Variants in NR3C2 observed in about 807,000 individuals in gnomAD.
The protein encoded by NR3C2 is mineralocorticoid receptor.
In NR3C2, 15 loss-of-function variants were observed where a neutral mutation model predicts 86.4. That is an observed-to-expected ratio of 0.17 (90% CI 0.12 to 0.27). The LOEUF is 0.27. NR3C2 is among the 10% of genes least tolerant of loss of function. The probability of loss-of-function intolerance (pLI) is 1.00; values close to 1 mark genes in which losing one functional copy is unlikely to be tolerated. For missense variants in NR3C2, 960 were observed against 1,195.6 expected (o/e 0.80, Z 2.91); for synonymous variants, 458 against 450.5 (o/e 1.02, Z -0.21).
At chr4:148,376,523 G>A (rs10519963) in intron 2 of NR3C2, among the ~76,000 whole-genome samples, 18,314 of 152,152 alleles carry the variant, frequency 0.12, 1,158 homozygotes, top group Middle Eastern at 0.15. Flanking sequence ...GGCCAAATGA[G>A]TCTTTAAAAG....
intron 2 of NR3C2, among the ~76,000 whole-genome samples, chr4:148,261,277 T>C (rs1740090976): frequency 2.0e-5 from 1 of 50,348 alleles, no homozygotes; most frequent in South Asian, 8.8e-4. Context: ...TGGTGCACTA[T>C]GGTAAGCGCT....
chr4:148,198,627 C>T (rs1736552783), intron 3 of NR3C2, among the ~76,000 whole-genome samples: 2 of 137,320 alleles, frequency 1.5e-5, no homozygotes, highest in African/African-American at 6.2e-5. Flanking sequence ...GTAATGCCTA[C>T]TTTCTATATT....
intron 2 of NR3C2, among the ~76,000 whole-genome samples, chr4:148,293,792 G>T (rs756491469): frequency 6.6e-6 from 1 of 152,112 alleles, no homozygotes; most frequent in African/African-American, 2.4e-5. Context: ...AACATGTTTG[G>T]TATCATCATT....
intron 2 of NR3C2, among the ~76,000 whole-genome samples, chr4:148,358,970 A>ACG (rs1028413317): frequency 0.037 from 9 of 240 alleles, no homozygotes; most frequent in Admixed American, 0.27. Context: ...ACACACACGC[A>ACG]CACACACACA....
chr4:148,324,656 TGA>T (rs1743856306), intron 2 of NR3C2, among the ~76,000 whole-genome samples: 1 of 152,188 alleles, frequency 6.6e-6, no homozygotes, highest in South Asian at 2.1e-4. Flanking sequence ...TGAAATTTGC[TGA>T]GAGTAAATCT....
At chr4:148,172,489 C>G (rs1361052726) in intron 4 of NR3C2, among the ~76,000 whole-genome samples, 1 of 152,092 alleles carries the variant, frequency 6.6e-6, no homozygotes, top group African/African-American at 2.4e-5. Flanking sequence ...TGTCCTGGTG[C>G]AGGGATGGAA....
intron 8 of NR3C2, among the ~76,000 whole-genome samples, chr4:148,105,850 A>G (rs1273124195): frequency 6.6e-6 from 1 of 152,238 alleles, no homozygotes; most frequent in African/African-American, 2.4e-5. Flanking sequence ...AAAACTCTCA[A>G]TAAACTAGGT....
At chr4:148,285,466 T>C (rs749004446) in intron 2 of NR3C2, among the ~76,000 whole-genome samples, 13 of 152,288 alleles carry the variant, frequency 8.5e-5, no homozygotes, top group South Asian at 2.1e-4. Context: ...CCCAGCACTT[T>C]GGGAGGCTGA....
chr4:148,444,594 T>C (rs1019115465), upstream of NR3C2: 18 of 988,240 alleles, frequency 1.8e-5, no homozygotes, highest in Non-Finnish European at 1.7e-5. Context: ...CCGCCGCTGC[T>C]GCCGCCGCCA....
intron 6 of NR3C2, among the ~76,000 whole-genome samples, chr4:148,129,039 C>A (rs1732883086): frequency 6.6e-6 from 1 of 152,180 alleles, no homozygotes; most frequent in Admixed American, 6.5e-5. Flanking sequence ...TAATGAATCT[C>A]TGCAGGAAGT....
intron 6 of NR3C2, among the ~76,000 whole-genome samples, chr4:148,149,443 A>G (rs1299270486): frequency 6.6e-6 from 1 of 152,184 alleles, no homozygotes; most frequent in African/African-American, 2.4e-5. Context: ...TCCATTTACG[A>G]AAAAACATTC....
At chr4:148,125,511 C>A (rs1732702318) in intron 6 of NR3C2, among the ~76,000 whole-genome samples, 3 of 152,194 alleles carry the variant, frequency 2.0e-5, no homozygotes, top group Admixed American at 2.0e-4. Flanking sequence ...TGCTTTAAAG[C>A]ACCCTGCCTA....
intron 2 of NR3C2, among the ~76,000 whole-genome samples, chr4:148,350,289 A>C (rs1257048201): frequency 6.6e-6 from 1 of 152,144 alleles, no homozygotes; most frequent in African/African-American, 2.4e-5. Context: ...CTGTGTACTG[A>C]CTTTCTGTTG....
At chr4:148,401,055 G>C (rs1246461463) in intron 2 of NR3C2, among the ~76,000 whole-genome samples, 2 of 152,174 alleles carry the variant, frequency 1.3e-5, no homozygotes, top group Non-Finnish European at 2.9e-5. Flanking sequence ...CTATGTTCCA[G>C]GTGCTGGTCA....
intron 3 of NR3C2, chr4:148,208,168 T>C (rs1035438430): frequency 6.6e-6 from 1 of 152,384 alleles, no homozygotes; most frequent in South Asian, 2.1e-4. Context: ...CTTAGTGCAA[T>C]GGCAGAGCAC....
chr4:148,201,261 G>C (rs988147863), intron 3 of NR3C2: 1 of 152,244 alleles, frequency 6.6e-6, no homozygotes, highest in Non-Finnish European at 1.5e-5. Flanking sequence ...TATTCAATGT[G>C]AGTTGAGCCA....
chr4:148,189,303 T>C (rs1560968657), intron 4 of NR3C2, among the ~76,000 whole-genome samples: 2 of 152,202 alleles, frequency 1.3e-5, no homozygotes, highest in East Asian at 3.8e-4. Flanking sequence ...ATCATGTGAT[T>C]TTTTTGTTTT....
In NR3C2 at chr4:148,429,392, A is replaced by T. The variant is rs72645611; in HGVS notation, c.1757+5712T>A. ...AATCCAGATGGCCAGCTATTATCTCATACTCCCTCCCTAAGGTATTAACTT... is the reference window on the plus strand; with the variant it reads ...AATCCAGATGGCCAGCTATTATCTCTTACTCCCTCCCTAAGGTATTAACTT... On this transcript the variant is annotated intron_variant, in intron 2 of 8. Transcript: ENST00000358102. Among the ~76,000 whole-genome samples the T allele has an allele frequency of 2.9e-3, 446 of 152,262 alleles. 2 individuals carry two copies. The highest frequency in any genetic ancestry group is 0.01 in the African/African-American group (416 of 41,558).
At chr4:148,361,242 C>T (rs1745821326) in intron 2 of NR3C2, among the ~76,000 whole-genome samples, 4 of 152,200 alleles carry the variant, frequency 2.6e-5, no homozygotes, top group South Asian at 2.1e-4. Context: ...TGACAGCCCA[C>T]ATCAGTTACC....
Sources: gnomAD v4.1 joint callset for allele counts (sites outside exome capture counted in the v4.1 genomes callset) on GRCh38, gnomAD v4.1.1 for gene constraint, MANE v1.5 for transcripts, NCBI Gene and HGNC (gene_info 2026-07-23, HGNC 2026-07-21) for gene names.